Variants in PAPOLG observed in about 807,000 individuals in gnomAD.
PAPOLG encodes the protein PAP-gamma.
In PAPOLG, 40 loss-of-function variants were observed where a neutral mutation model predicts 99.0. The observed-to-expected ratio is 0.40, with a 90% CI of 0.31 to 0.53. The LOEUF is 0.53. Ranked by LOEUF, PAPOLG falls within the 20% of genes least tolerant of loss-of-function variation. The probability of loss-of-function intolerance (pLI) is 0.41; values close to 1 mark genes in which losing one functional copy is unlikely to be tolerated. For missense variants in PAPOLG, 675 were observed against 884.1 expected (o/e 0.76, Z 3.00); for synonymous variants, 310 against 299.3 (o/e 1.04, Z -0.37).
intron 9 of PAPOLG, 78 bp from the exon 10 acceptor site, chr2:60,780,629 A>G: frequency 1.4e-6 from 2 of 1,438,384 alleles, no homozygotes; most frequent in South Asian, 1.2e-5. Flanking sequence ...GAAGGTTAGA[A>G]CAATCTAATA....
chr2:60,785,558 T>G (rs1189436971), intron 13 of PAPOLG, among the ~76,000 whole-genome samples: 2 of 151,842 alleles, frequency 1.3e-5, no homozygotes, highest in African/African-American at 2.4e-5. Context: ...AGACGGAGTC[T>G]CACTGTCACC....
Position 60,792,850 on chromosome 2 carries a change from A to T in PAPOLG, c.1679+561A>T, listed in dbSNP as rs538364330. On this transcript the variant is annotated intron_variant, in intron 17 of 21. Transcript: ENST00000238714. ...CAGGAGTTCGAGACCAGCCTGGCCA[A>T]CATGGCAAAACCACATCTCTACTAA... is the stretch of plus-strand genomic sequence containing the variant. Among the ~76,000 whole-genome samples the T allele has an allele frequency of 1.5e-3, 227 of 152,322 alleles. 2 individuals carry two copies. Among genetic ancestry groups the T allele is most frequent in the Middle Eastern group, 3.4e-3 (1 of 294 alleles).
chr2:60,790,641 T>C (rs1336403520), intron 15 of PAPOLG, among the ~76,000 whole-genome samples: 1 of 152,222 alleles, frequency 6.6e-6, no homozygotes, highest in Non-Finnish European at 1.5e-5. Context: ...TATTCAGAGC[T>C]GTTTAGCCTC....
chr2:60,795,369 C>T (rs1368942668), intron 21 of PAPOLG: 1 of 448,102 alleles, frequency 2.2e-6, no homozygotes, highest in East Asian at 6.5e-5. Context: ...TGCTTACTGC[C>T]AAAACATAGG....
At chr2:60,783,743 A>C (rs1173661798) in intron 13 of PAPOLG, among the ~76,000 whole-genome samples, 2 of 151,316 alleles carry the variant, frequency 1.3e-5, no homozygotes, top group East Asian at 3.9e-4. Flanking sequence ...CGAACTCCTG[A>C]CCTCAAGTGA....
intron 7 of PAPOLG, among the ~76,000 whole-genome samples, chr2:60,774,538 G>A (rs1003680047): frequency 8.6e-5 from 13 of 152,028 alleles, no homozygotes; most frequent in African/African-American, 2.9e-4. Flanking sequence ...GCTAATTTTT[G>A]TATGTTTAGT....
chr2:60,801,358 T>C lies in PAPOLG; in HGVS notation c.*4198T>C, dbSNP rs899113553. 24 of 152,194 alleles carry C rather than the reference T, an allele frequency of 1.6e-4. No homozygotes were observed. The highest frequency in any genetic ancestry group is 5.6e-4 in the African/African-American group (23 of 41,430). 9.4% of individuals were successfully genotyped at this position (152,194 alleles called of 1,614,324 possible). On this transcript the variant is annotated 3_prime_UTR_variant, in exon 22 of 22. Transcript: ENST00000238714. ...TTAAATTGGTCATAGTAGCAAATAGTGCAGATGATGGAAGAAAACCAGTCT... is the reference window on the plus strand; with the variant it reads ...TTAAATTGGTCATAGTAGCAAATAGCGCAGATGATGGAAGAAAACCAGTCT...
At chr2:60,773,041 C>G (rs571833972) in intron 7 of PAPOLG, among the ~76,000 whole-genome samples, 342 of 152,288 alleles carry the variant, frequency 2.2e-3, no homozygotes, top group African/African-American at 7.8e-3. Flanking sequence ...TCTCCTGCCT[C>G]AGCCTCCTGA....
At chr2:60,780,177 G>A (rs1375562627) in intron 9 of PAPOLG, among the ~76,000 whole-genome samples, 1 of 152,076 alleles carries the variant, frequency 6.6e-6, no homozygotes, top group Non-Finnish European at 1.5e-5. Flanking sequence ...GAAAGATTCA[G>A]GTGTAAATTA....
At chr2:60,776,782 C>T (rs913292869) in intron 8 of PAPOLG, among the ~76,000 whole-genome samples, 1 of 152,128 alleles carries the variant, frequency 6.6e-6, no homozygotes, top group South Asian at 2.1e-4. Context: ...AATCACCTAC[C>T]CTTTGAAGCT....
intron 17 of PAPOLG, among the ~76,000 whole-genome samples, chr2:60,793,175 C>G (rs1237575405): frequency 7.4e-6 from 1 of 135,198 alleles, no homozygotes; most frequent in East Asian, 2.3e-4. Context: ...CCACTGCACT[C>G]TAGCCTAGGT....
intron 11 of PAPOLG, 163 bp from the exon 12 acceptor site, chr2:60,782,523 C>G: frequency 1.1e-6 from 1 of 878,644 alleles, no homozygotes; most frequent in Non-Finnish European, 1.4e-6. Context: ...ATCCACCACA[C>G]TCCAGCCTGG....
At chr2:60,791,947 G>A in intron 16 of PAPOLG, 65 bp downstream of exon 16, 1 of 1,553,284 alleles carries the variant, frequency 6.4e-7, no homozygotes, top group Non-Finnish European at 8.7e-7. Context: ...GACCAAATTT[G>A]CATTCTACAG....
At chr2:60,782,936 A>G (rs1671238259) in intron 12 of PAPOLG, among the ~76,000 whole-genome samples, 166 bp downstream of exon 12, 2 of 152,082 alleles carry the variant, frequency 1.3e-5, no homozygotes, top group Non-Finnish European at 2.9e-5. Flanking sequence ...TTCTGGTAGT[A>G]TCTAATCCAG....
intron 12 of PAPOLG, 82 bp from the exon 13 acceptor site, chr2:60,783,074 A>AG (rs1444164544): frequency 2.4e-6 from 3 of 1,250,690 alleles, no homozygotes; most frequent in East Asian, 5.2e-5. Flanking sequence ...AGTGAGAGGG[A>AG]GGGAAAAAAG....
At chr2:60,769,653 T>G (rs1670788439) in intron 5 of PAPOLG, among the ~76,000 whole-genome samples, 1 of 152,208 alleles carries the variant, frequency 6.6e-6, no homozygotes, top group African/African-American at 2.4e-5. Flanking sequence ...GCTTTCATTA[T>G]TTTAAAATTT....
intron 7 of PAPOLG, among the ~76,000 whole-genome samples, chr2:60,772,717 C>T (rs1670892464): frequency 6.6e-6 from 1 of 151,968 alleles, no homozygotes; most frequent in Non-Finnish European, 1.5e-5. Context: ...CACCACAATC[C>T]AGCCAGGGTG....
intron 5 of PAPOLG, among the ~76,000 whole-genome samples, chr2:60,769,395 G>A (rs1291470385): frequency 6.6e-6 from 1 of 152,130 alleles, no homozygotes; most frequent in Non-Finnish European, 1.5e-5. Context: ...AGATACAATA[G>A]TAAACAAGAC....
intron 17 of PAPOLG, among the ~76,000 whole-genome samples, chr2:60,793,205 TAAAAAAA>T (rs779034834): frequency 4.4e-5 from 2 of 45,528 alleles, no homozygotes; most frequent in Non-Finnish European, 8.3e-5. Flanking sequence ...ATACCATGTC[TAAAAAAA>T]AAAAAAAAAA....
Sources: allele counts gnomAD v4.1 joint callset (sites outside exome capture counted in the v4.1 genomes callset), GRCh38; gene constraint gnomAD v4.1.1; transcripts MANE v1.5; gene names NCBI Gene and HGNC (gene_info 2026-07-23, HGNC 2026-07-21).